Variants in MTRFR observed in about 807,000 individuals in gnomAD.
MTRFR encodes mitochondrial translation release factor in rescue, also known as probable peptide chain release factor C12orf65, mitochondrial.
Under a neutral mutation model 11.9 loss-of-function variants are expected in MTRFR, and 10 were observed. That is an observed-to-expected ratio of 0.84 (90% confidence interval 0.52 to 1.42). The LOEUF is 1.42. Among genes scored for constraint, MTRFR ranks in the 40% most tolerant of loss-of-function variants. The pLI, the probability that MTRFR is intolerant of heterozygous loss-of-function variation, is 0.00. For missense variants in MTRFR, 196 were observed against 197.9 expected, an observed-to-expected ratio of 0.99 and a Z score of 0.06; for synonymous variants, 77 against 79.1, an observed-to-expected ratio of 0.97 and a Z score of 0.14.
Position 123,253,897 on chromosome 12 carries a change from A to G in MTRFR, c.223A>G (p.Thr75Ala), listed in dbSNP as rs767357422. The stretch of plus-strand genomic sequence containing the variant: ...AGGACACGGTCCAGGGGGCCAGGCA[A>G]CCAACAAAACCAGCAACTGCGTGGT... ...VKGHGPGGQA[T>A]NKTSNCVVLK... The change falls in exon 2 of 3, where the codon ACC becomes GCC. Residue 75 changes from threonine to alanine, a missense_variant. Thr to Ala is a moderately conservative substitution (Grantham distance 58). Transcript: ENST00000253233. 4 of 1,614,200 alleles carry G rather than the reference A, an allele frequency of 2.5e-6. No individual in the cohort carries two copies. The South Asian group carries it at 3.3e-5, about 13-fold the overall frequency.
chr12:123,236,457 G>A (rs1023030341), intron 1 of MTRFR, among the ~76,000 whole-genome samples: 20 of 152,072 alleles, frequency 1.3e-4, no homozygotes, highest in Non-Finnish European at 2.5e-4. Context: ...GCCAGGTATG[G>A]TGGTACACAC....
intron 1 of MTRFR, chr12:123,253,352 A>C: frequency 2.8e-6 from 1 of 361,544 alleles, no homozygotes; most frequent in South Asian, 2.2e-5. Context: ...TTTCACACTC[A>C]AAACCTCTCC....
At chr12:123,253,134 G>GGCT (rs2048136835) in intron 1 of MTRFR, among the ~76,000 whole-genome samples, 2 of 108,408 alleles carry the variant, frequency 1.8e-5, no homozygotes, top group Non-Finnish European at 3.5e-5. Context: ...CTGTTGTCCA[G>GGCT]GCTGGAGTGC....
intron 1 of MTRFR, chr12:123,251,938 A>G (rs1190904242): frequency 2.0e-5 from 3 of 152,450 alleles, no homozygotes; most frequent in Non-Finnish European, 4.4e-5. Context: ...AAGGAGAGCC[A>G]GTCTGAGTCC....
chr12:123,243,379 A>G (rs2047975847), intron 1 of MTRFR, among the ~76,000 whole-genome samples: 2 of 152,160 alleles, frequency 1.3e-5, no homozygotes, highest in Non-Finnish European at 2.9e-5. Context: ...AAATACAAAA[A>G]ATTAGCCGGA....
At chr12:123,247,590 T>G (rs768765948) in intron 1 of MTRFR, among the ~76,000 whole-genome samples, 2 of 152,212 alleles carry the variant, frequency 1.3e-5, no homozygotes, top group African/African-American at 4.8e-5. Flanking sequence ...TTCTTATCCA[T>G]TCTGCAGTTC....
intron 1 of MTRFR, among the ~76,000 whole-genome samples, chr12:123,240,346 T>A (rs1302806109): frequency 5.5e-5 from 8 of 145,950 alleles, no homozygotes; most frequent in African/African-American, 1.8e-4. Flanking sequence ...AGACTCCGTC[T>A]AAAAAAAAAA....
intron 2 of MTRFR, 183 bp downstream of exon 2, chr12:123,254,139 C>A: frequency 1.5e-6 from 1 of 670,298 alleles, no homozygotes; most frequent in Non-Finnish European, 2.5e-6. Context: ...CCATTCCTCC[C>A]TAAGGCAGAA....
chr12:123,240,209 C>CA (rs55859746), intron 1 of MTRFR, among the ~76,000 whole-genome samples: 18 of 135,050 alleles, frequency 1.3e-4, no homozygotes, highest in African/African-American at 5.1e-4. Context: ...ATTAAAAATA[C>CA]AAAAAAAAAA....
At chr12:123,249,215 A>T (rs2048082940) in intron 1 of MTRFR, 1 of 152,284 alleles carries the variant, frequency 6.6e-6, no homozygotes, top group Admixed American at 6.5e-5. Flanking sequence ...TAGACATAAA[A>T]GTTCTCCAAG....
chr12:123,234,224 C>T (rs2047791138), intron 1 of MTRFR, among the ~76,000 whole-genome samples: 1 of 152,174 alleles, frequency 6.6e-6, no homozygotes, highest in Non-Finnish European at 1.5e-5. Context: ...ACTCGATTTA[C>T]CTCCAGGAGT....
intron 2 of MTRFR, chr12:123,255,088 C>G (rs533803882): frequency 1.3e-5 from 2 of 152,182 alleles, no homozygotes; most frequent in East Asian, 1.9e-4. Context: ...GTCATGGAAA[C>G]GTGTGGGAGG....
chr12:123,251,201 C>T (rs182208122), intron 1 of MTRFR: 2 of 152,466 alleles, frequency 1.3e-5, no homozygotes, highest in East Asian at 1.9e-4. Flanking sequence ...CCCACAACTG[C>T]CCCGAGTCTG....
chr12:123,241,552 A>T (rs2138755863), intron 1 of MTRFR, among the ~76,000 whole-genome samples: 1 of 151,926 alleles, frequency 6.6e-6, no homozygotes, highest in South Asian at 2.1e-4. Flanking sequence ...GTTGGCCAGG[A>T]TGGTCTCGAA....
intron 2 of MTRFR, among the ~76,000 whole-genome samples, chr12:123,255,459 ATT>A (rs59965275): frequency 0.05 from 7,329 of 147,778 alleles, 317 homozygotes; most frequent in East Asian, 0.26. Flanking sequence ...ATTTCATAGA[ATT>A]TTTTTTTTTT....
At chr12:123,233,617 C>T (rs1004998750) in intron 1 of MTRFR, 86 bp downstream of exon 1, 2 of 152,286 alleles carry the variant, frequency 1.3e-5, no homozygotes, top group Non-Finnish European at 2.9e-5. Context: ...GCCGGGACGC[C>T]TGGGTTTTTC....
chr12:123,254,596 A>T (rs1253871427), intron 2 of MTRFR: 1 of 153,612 alleles, frequency 6.5e-6, no homozygotes, highest in Non-Finnish European at 1.4e-5. Flanking sequence ...CAGAAGAAAA[A>T]ATGCTGTGCA....
chr12:123,255,456 AG>A (rs2048173218), intron 2 of MTRFR, among the ~76,000 whole-genome samples: 1 of 151,334 alleles, frequency 6.6e-6, no homozygotes, highest in African/African-American at 2.4e-5. Flanking sequence ...CTAATTTCAT[AG>A]AATTTTTTTT....
intron 1 of MTRFR, among the ~76,000 whole-genome samples, chr12:123,237,911 T>C (rs1411751866): frequency 6.6e-6 from 1 of 151,886 alleles, no homozygotes; most frequent in African/African-American, 2.4e-5. Flanking sequence ...TTTTTTTTTT[T>C]TTGAGACGGA....
Sources: gnomAD v4.1 joint callset for allele counts (sites outside exome capture counted in the v4.1 genomes callset) on GRCh38, gnomAD v4.1.1 for gene constraint, MANE v1.5 for transcripts, NCBI Gene and HGNC (gene_info 2026-07-23, HGNC 2026-07-21) for gene names.